Variants in CDIN1 observed in about 807,000 individuals in gnomAD.
The protein encoded by CDIN1 is CDAN1 interacting nuclease 1.
In CDIN1, 33 loss-of-function variants were observed where a neutral mutation model predicts 45.3. The observed-to-expected ratio is 0.73, with a 90% confidence interval of 0.55 to 0.97. CDIN1 has a LOEUF of 0.97. CDIN1 is among the 50% of genes least tolerant of loss of function. The pLI, the probability that CDIN1 is intolerant of heterozygous loss-of-function variation, is 0.00. For missense variants in CDIN1, 303 were observed against 339.4 expected (o/e 0.89, Z 0.84); for synonymous variants, 118 against 124.4 (o/e 0.95, Z 0.34).
chr15:36,766,846 G>A (rs80316730), intron 10 of CDIN1, among the ~76,000 whole-genome samples: 61 of 152,270 alleles, frequency 4.0e-4, no homozygotes, highest in Non-Finnish European at 7.8e-4. Context: ...TATATGGTTT[G>A]TACATATTTT....
At chr15:36,774,675 T>TAC (rs1430209775) in intron 10 of CDIN1, among the ~76,000 whole-genome samples, 1 of 152,200 alleles carries the variant, frequency 6.6e-6, no homozygotes, top group Non-Finnish European at 1.5e-5. Flanking sequence ...ATTTGACTCT[T>TAC]ACAAGTCAAA....
intron 3 of CDIN1, among the ~76,000 whole-genome samples, chr15:36,648,289 T>G (rs1284999875): frequency 6.6e-6 from 1 of 152,110 alleles, no homozygotes; most frequent in East Asian, 1.9e-4. Flanking sequence ...GTTTTACACC[T>G]GGAAAAATGT....
chr15:36,592,763 T>G (rs1595714822), intron 1 of CDIN1, among the ~76,000 whole-genome samples: 1 of 152,312 alleles, frequency 6.6e-6, no homozygotes, highest in African/African-American at 2.4e-5. Flanking sequence ...TTGATTTTTT[T>G]TTTTAAAGCC....
chr15:36,623,369 T>A (rs142911768), intron 1 of CDIN1, among the ~76,000 whole-genome samples: 1,653 of 152,340 alleles, frequency 0.011, 27 homozygotes, highest in African/African-American at 0.038. Context: ...ATTTTAAACA[T>A]ACTGTCAATA....
chr15:36,804,859 G>C (rs1046666573), intron 10 of CDIN1, among the ~76,000 whole-genome samples: 11 of 151,282 alleles, frequency 7.3e-5, no homozygotes, highest in South Asian at 4.2e-4. Context: ...ATCTTTAGTG[G>C]AGACGGGGTT....
chr15:36,808,176 T>C (rs2055290411), intron 10 of CDIN1, 148 bp from the exon 11 acceptor site: 3 of 981,344 alleles, frequency 3.1e-6, no homozygotes, highest in Non-Finnish European at 4.5e-6. Context: ...TGGTATAAGT[T>C]TGGCTATTTT....
At chr15:36,763,701 G>C (rs1334048998) in intron 10 of CDIN1, among the ~76,000 whole-genome samples, 2 of 152,128 alleles carry the variant, frequency 1.3e-5, no homozygotes, top group African/African-American at 4.8e-5. Context: ...CTTGAGAGTT[G>C]GCATCAAGGC....
At chr15:36,633,999 G>A (rs528692988) in intron 1 of CDIN1, among the ~76,000 whole-genome samples, 6 of 151,860 alleles carry the variant, frequency 4.0e-5, no homozygotes, top group African/African-American at 1.2e-4. Context: ...TGATCTGCTC[G>A]CCTCGGCCTC....
intron 3 of CDIN1, chr15:36,647,690 T>A (rs1566863992): frequency 2.0e-5 from 3 of 152,228 alleles, no homozygotes; most frequent in Non-Finnish European, 4.4e-5. Context: ...TTTGTTTGTT[T>A]TCCAGCAGAT....
At chr15:36,801,930 A>G (rs568284364) in intron 10 of CDIN1, among the ~76,000 whole-genome samples, 1 of 152,286 alleles carries the variant, frequency 6.6e-6, no homozygotes, top group South Asian at 2.1e-4. Flanking sequence ...TCAAACTTAG[A>G]GTTATTCCCT....
At chr15:36,683,928 T>C (rs1324783891) in intron 5 of CDIN1, among the ~76,000 whole-genome samples, 6 of 138,774 alleles carry the variant, frequency 4.3e-5, no homozygotes. Context: ...TGATTTTGTA[T>C]CCTGAGACTT....
At chr15:36,766,001 G>C (rs1322555539) in intron 10 of CDIN1, among the ~76,000 whole-genome samples, 1 of 152,210 alleles carries the variant, frequency 6.6e-6, no homozygotes, top group Non-Finnish European at 1.5e-5. Flanking sequence ...GTAGACAGCA[G>C]ATCTCTAGAA....
intron 10 of CDIN1, among the ~76,000 whole-genome samples, chr15:36,779,704 C>A (rs1461210084): frequency 1.3e-5 from 2 of 152,176 alleles, no homozygotes; most frequent in African/African-American, 4.8e-5. Context: ...ATCTTAGCAC[C>A]TGCACTTATT....
At position 36,646,056 on chromosome 15, in the gene CDIN1, T is replaced by G. The variant is rs116257660; in HGVS notation, c.212+769T>G. 2.5e-3 allele frequency among the ~76,000 whole-genome samples: 381 copies of G among 152,280 alleles called. 1 individual carries two copies. The highest frequency in any genetic ancestry group is 8.6e-3 in the African/African-American group (357 of 41,558). On this transcript the variant is annotated intron_variant, in intron 3 of 10. Transcript: ENST00000566621. The stretch of plus-strand genomic sequence containing the variant: ...AATGGTAATGGTTTGCATTAGAAAT[T>G]GTTAGTTGGTTTCTTAAATCTTTCA...
intron 1 of CDIN1, among the ~76,000 whole-genome samples, chr15:36,637,221 C>T (rs2039935734): frequency 6.6e-6 from 1 of 152,080 alleles, no homozygotes; most frequent in Non-Finnish European, 1.5e-5. Context: ...AACTGTGATC[C>T]CCTCCTTAAC....
chr15:36,702,990 C>T (rs1330022422), intron 8 of CDIN1, among the ~76,000 whole-genome samples: 2 of 148,862 alleles, frequency 1.3e-5, no homozygotes, highest in Non-Finnish European at 3.0e-5. Flanking sequence ...TGCTTGAGCC[C>T]AGGAGTTTGA....
At chr15:36,770,785 C>G (rs187368479) in intron 10 of CDIN1, among the ~76,000 whole-genome samples, 3 of 152,262 alleles carry the variant, frequency 2.0e-5, no homozygotes, top group Admixed American at 2.0e-4. Context: ...ATGTGTTTGG[C>G]CTCTAGGAGA....
rs2055337998 is a variant in CDIN1 at position 36,809,672 on chromosome 15, T to G, written c.*1219T>G. On this transcript the variant is annotated 3_prime_UTR_variant, in exon 11 of 11. Coordinates refer to ENST00000566621, the MANE Select transcript of CDIN1 (RefSeq NM_001321759.2). ...CCCTGCCATGCTGACATAACAACTT[T>G]TATAATGTTGAATAGATGATATGGG... 1 of 152,156 alleles carries G rather than the reference T, an allele frequency of 6.6e-6. No individual in the cohort carries two copies. The highest frequency in any genetic ancestry group is 1.5e-5 in the Non-Finnish European group (1 of 68,018). The allele number at this position is 152,156 out of a possible 1,614,324, so 9.4% of individuals were successfully genotyped here.
At chr15:36,618,369 G>T (rs2038995295) in intron 1 of CDIN1, 2 of 687,786 alleles carry the variant, frequency 2.9e-6, no homozygotes, top group South Asian at 1.7e-5. Flanking sequence ...ACTTCAAAAG[G>T]AGACTTCCAC....
Sources: gnomAD v4.1 joint callset for allele counts (sites outside exome capture counted in the v4.1 genomes callset) on GRCh38, gnomAD v4.1.1 for gene constraint, MANE v1.5 for transcripts, NCBI Gene and HGNC (gene_info 2026-07-23, HGNC 2026-07-21) for gene names.